The following C3orf52 variants were observed in gnomAD, a reference collection of about 807,000 sequenced individuals.
C3orf52 encodes TPA-induced transmembrane protein.
A neutral mutation model predicts 24.8 loss-of-function variants in C3orf52; 22 were observed. That is an observed-to-expected ratio of 0.89 (90% CI 0.63 to 1.27). C3orf52 has a LOEUF of 1.27. Among genes scored for constraint, C3orf52 ranks in the 50% most tolerant of loss-of-function variants. C3orf52 has a pLI of 0.00. For missense variants in C3orf52, 265 were observed against 260.7 expected, an observed-to-expected ratio of 1.02 and a Z score of -0.11; for synonymous variants, 93 against 100.2, an observed-to-expected ratio of 0.93 and a Z score of 0.43.
At chr3:112,098,289 C>T (rs980318672) in intron 2 of C3orf52, among the ~76,000 whole-genome samples, 1 of 152,234 alleles carries the variant, frequency 6.6e-6, no homozygotes, top group Non-Finnish European at 1.5e-5. Flanking sequence ...GCTCTGCCAA[C>T]TTCATTATAC....
At chr3:112,125,240 A>G in intron 4 of C3orf52, 7 of 1,581,316 alleles carry the variant, frequency 4.4e-6, no homozygotes, top group Non-Finnish European at 6.1e-6. Context: ...ATGGGAGTAG[A>G]TGACATTCTT....
intron 3 of C3orf52, among the ~76,000 whole-genome samples, chr3:112,107,212 G>A (rs2074033318): frequency 1.3e-5 from 2 of 150,926 alleles, no homozygotes; most frequent in South Asian, 2.1e-4. Flanking sequence ...GATTAATAAA[G>A]GAAAGAAGGG....
chr3:112,116,799 A>G lies in C3orf52; in HGVS notation c.*153A>G, dbSNP rs2074137742. On this transcript the variant is annotated 3_prime_UTR_variant, in exon 6 of 6. Coordinates refer to ENST00000264848, the MANE Select transcript of C3orf52 (RefSeq NM_024616.3). The stretch of plus-strand genomic sequence containing the variant: ...GGAGACTCCTTTCTCTCCCGATTCT[A>G]CAGTCTGGCTCTAAGCCCAGTAAAA... 7.1e-6 allele frequency: 11 copies of G among 1,540,764 alleles called. No homozygotes were observed. Among genetic ancestry groups the G allele is most frequent in the Non-Finnish European group, 5.2e-6 (6 of 1,146,952 alleles).
chr3:112,130,596 C>A, downstream of C3orf52: 7 of 1,197,728 alleles, frequency 5.8e-6, no homozygotes, highest in South Asian at 1.2e-5. Flanking sequence ...CGACTTTCCT[C>A]ATTTCTGCTA....
chr3:112,127,956 G>T, intron 4 of C3orf52: 1 of 1,446,404 alleles, frequency 6.9e-7, no homozygotes, highest in Non-Finnish European at 9.7e-7. Flanking sequence ...GTAACTTACA[G>T]CAAATACCAC....
At chr3:112,128,572 A>G in exon 5 of C3orf52, 2 of 247,750 alleles carry the variant, frequency 8.1e-6, no homozygotes, top group South Asian at 1.0e-4. Flanking sequence ...TCATCGTGGT[A>G]TGTATTTCCA....
intron 1 of C3orf52, among the ~76,000 whole-genome samples, chr3:112,092,958 C>T (rs1415566572): frequency 6.6e-6 from 1 of 152,204 alleles, no homozygotes; most frequent in Non-Finnish European, 1.5e-5. Flanking sequence ...GCTATCAACA[C>T]CCTCTGAGTG....
downstream of C3orf52, chr3:112,134,083 T>A (rs1040022431): frequency 2.0e-5 from 3 of 152,230 alleles, no homozygotes; most frequent in Non-Finnish European, 4.4e-5. Flanking sequence ...TGGCTTAACT[T>A]CAGGTGGCAT....
chr3:112,116,901 C>T lies in C3orf52; in HGVS notation c.*255C>T. 6.5e-7 allele frequency: 1 copy of T among 1,537,228 alleles called. No individual in the cohort carries two copies. Among genetic ancestry groups the T allele is most frequent in the Non-Finnish European group, 8.7e-7 (1 of 1,146,882 alleles). ...CCAGCTAGGGTGGGGGCGATAGGGT[C>T]AGCGGGTATGTCCCACTGTTGGAGG... On this transcript the variant is annotated 3_prime_UTR_variant, in exon 6 of 6. Transcript: ENST00000264848.
intron 2 of C3orf52, among the ~76,000 whole-genome samples, chr3:112,098,451 CA>C (rs2073943976): frequency 6.6e-6 from 1 of 152,202 alleles, no homozygotes; most frequent in Non-Finnish European, 1.5e-5. Flanking sequence ...ACTCCCAGGA[CA>C]GCAGCCATGC....
chr3:112,093,665 T>A (rs1012769776), intron 2 of C3orf52, among the ~76,000 whole-genome samples, 176 bp downstream of exon 2: 1 of 152,204 alleles, frequency 6.6e-6, no homozygotes, highest in Non-Finnish European at 1.5e-5. Flanking sequence ...GTGTTTTTGT[T>A]TTCTGTTGTT....
chr3:112,117,030 T>C lies in C3orf52; in HGVS notation c.*384T>C, dbSNP rs1299618113. The C allele has an allele frequency of 1.9e-6, 2 of 1,080,156 alleles. No individual in the cohort carries two copies. Among genetic ancestry groups the C allele is most frequent in the Non-Finnish European group, 2.6e-6 (2 of 758,472 alleles). 66.9% of individuals were successfully genotyped at this position (1,080,156 alleles called of 1,614,324 possible). Reference sequence around the variant, plus strand: ...TGCGGTGGCGTGATCATGGCACTGCTATTCTTGAAGCACTCCACCCACCTG... The same window carrying C: ...TGCGGTGGCGTGATCATGGCACTGCCATTCTTGAAGCACTCCACCCACCTG... On this transcript the variant is annotated 3_prime_UTR_variant, in exon 6 of 6. Transcript: ENST00000264848.
Position 112,093,488 on chromosome 3 carries a change from A to T in C3orf52, c.267A>T (p.Ala89=). Residue 89 remains alanine, a splice_region_variant and synonymous_variant, in exon 2 of 6, where the codon GCA becomes GCT. Coordinates refer to ENST00000264848, the MANE Select transcript of C3orf52 (RefSeq NM_024616.3). Reference sequence around the variant, plus strand: ...TCATCATAGGCTTATGTCTTGCTGCAGGTAAGAGGATTTAGATGTGAATAA... The same window carrying T: ...TCATCATAGGCTTATGTCTTGCTGCTGGTAAGAGGATTTAGATGTGAATAA... ...TVIIIGLCLA[A]VTYVDEDENE... The T allele has an allele frequency of 6.2e-7, 1 of 1,612,428 alleles. No homozygotes were observed.
At chr3:112,129,482 A>C (rs1176893158), downstream of C3orf52, 1 of 152,142 alleles carries the variant, frequency 6.6e-6, no homozygotes, top group East Asian at 1.9e-4. Flanking sequence ...AGCCTCCAAG[A>C]AGCAAGCTAG....
intron 2 of C3orf52, among the ~76,000 whole-genome samples, chr3:112,102,516 CTAAGCTGCAGGTTTAGTCTAA>C (rs1424460200): frequency 3.3e-5 from 5 of 152,154 alleles, no homozygotes; most frequent in Non-Finnish European, 7.3e-5. Flanking sequence ...GTGTACCTAG[CTAAGCTGCAGGTTTAGTCTAA>C]TAAGGAAGTT....
intron 3 of C3orf52, among the ~76,000 whole-genome samples, chr3:112,108,431 G>T (rs1275843281): frequency 6.6e-6 from 1 of 152,180 alleles, no homozygotes; most frequent in Admixed American, 6.5e-5. Flanking sequence ...TGTGAAGTTG[G>T]AGATGCACCT....
At chr3:112,108,200 G>A (rs2074045417) in intron 3 of C3orf52, among the ~76,000 whole-genome samples, 1 of 152,160 alleles carries the variant, frequency 6.6e-6, no homozygotes, top group Non-Finnish European at 1.5e-5. Flanking sequence ...AAGGAAATGA[G>A]TGAGAAATTC....
downstream of C3orf52, chr3:112,134,122 A>C (rs1008011348): frequency 6.6e-6 from 1 of 152,296 alleles, no homozygotes; most frequent in Non-Finnish European, 1.5e-5. Flanking sequence ...GGCCAGAGAC[A>C]GCAGACTTCA....
chr3:112,086,748 G>A (rs958864606), intron 1 of C3orf52, among the ~76,000 whole-genome samples: 32 of 152,278 alleles, frequency 2.1e-4, no homozygotes, highest in African/African-American at 6.7e-4. Context: ...CAGCCCCTGG[G>A]GTCCTCCAAC....
Sources: allele counts gnomAD v4.1 joint callset (sites outside exome capture counted in the v4.1 genomes callset), GRCh38; gene constraint gnomAD v4.1.1; transcripts MANE v1.5; gene names NCBI Gene and HGNC (gene_info 2026-07-23, HGNC 2026-07-21).